The following MAX variants were observed in gnomAD, a reference collection of about 807,000 sequenced individuals.
MAX encodes the protein MYC associated transcriptional regulator X.
MAX carries 3 observed loss-of-function variants against 22.3 expected under a neutral mutation model. The ratio of observed to expected loss-of-function variants is 0.13; its 90% CI spans 0.06 to 0.35. MAX has a LOEUF of 0.35. MAX is among the 10% of genes least tolerant of loss of function. The pLI is 1.00. For synonymous variants in MAX, 72 were observed against 77.7 expected, an observed-to-expected ratio of 0.93 and a Z score of 0.39; for missense variants, 119 against 209.4, an observed-to-expected ratio of 0.57 and a Z score of 2.66.
chr14:65,006,212 G>C (rs2139486808), exon 4 of MAX: 4 of 1,601,406 alleles, frequency 2.5e-6, no homozygotes, highest in Non-Finnish European at 3.4e-6. Flanking sequence ...GATTAGCCAT[G>C]GCAGAAAACA....
At chr14:65,040,735 C>T (rs945571324) in intron 3 of MAX, 1 of 1,572,206 alleles carries the variant, frequency 6.4e-7, no homozygotes, top group African/African-American at 1.4e-5. Flanking sequence ...TGGTCCTGGT[C>T]TTGTGTACGT....
chr14:65,095,085 C>G (rs1025829670), intron 2 of MAX, among the ~76,000 whole-genome samples: 1 of 152,162 alleles, frequency 6.6e-6, no homozygotes, highest in African/African-American at 2.4e-5. Flanking sequence ...GTTGTGAAAA[C>G]GAAAGGACTT....
Position 65,011,021 on chromosome 14 carries a change from C to T in MAX, c.172-4737G>A, listed in dbSNP as rs994286540. Reference sequence around the variant, plus strand: ...TCATTCCTTTCTTCATGAGATATCCCCTCCCTTTTGAGCCTCAGTAGTATG... The same window carrying T: ...TCATTCCTTTCTTCATGAGATATCCTCTCCCTTTTGAGCCTCAGTAGTATG... On this transcript the variant is annotated intron_variant, in intron 3 of 3. Transcript: ENST00000341653. This position sits in a 1 kb window ranked among gnomAD's most constrained non-coding sequence, Gnocchi z 4.0. 9.4e-5 allele frequency among the ~76,000 whole-genome samples: 14 copies of T among 149,644 alleles called. No homozygotes were observed. The highest frequency in any genetic ancestry group is 3.0e-4 in the African/African-American group (12 of 40,442).
chr14:65,084,234 G>A lies in MAX; in HGVS notation c.172-6198C>T, dbSNP rs2139799163. On this transcript the variant is annotated intron_variant, in intron 3 of 4. Transcript: ENST00000358664. This position sits in a 1 kb window ranked among gnomAD's most constrained non-coding sequence, Gnocchi z 4.3. ...CTTGGTAGCTTGAAATGAAGGTGTG[G>A]CATTTCTGCATCAAACTTTGACGAT... is the stretch of plus-strand genomic sequence containing the variant. The A allele has an allele frequency of 6.2e-7, 1 of 1,613,978 alleles. No homozygotes were observed. Among genetic ancestry groups the A allele is most frequent in the Non-Finnish European group, 8.5e-7 (1 of 1,179,916 alleles).
At chr14:65,025,437 T>C (rs1356950925) in intron 3 of MAX, among the ~76,000 whole-genome samples, 1 of 152,212 alleles carries the variant, frequency 6.6e-6, no homozygotes, top group African/African-American at 2.4e-5. Flanking sequence ...TAACTATTTG[T>C]TTCTGGGAAA....
In MAX at chr14:65,077,545, G is replaced by A. The variant is rs1264218503; in HGVS notation, c.295+368C>T. On this transcript the variant is annotated intron_variant, in intron 4 of 4. Transcript: ENST00000358664. The surrounding 1 kb of genome is among the most constrained non-coding windows in gnomAD (Gnocchi z 6.3). ...GAGGGCTCACTGTCCCTGAACACCTGGAGTCTCTGGTACTTACACAGCACA... is the reference window on the plus strand; with the variant it reads ...GAGGGCTCACTGTCCCTGAACACCTAGAGTCTCTGGTACTTACACAGCACA... 6.5e-6 allele frequency: 6 copies of A among 925,844 alleles called. No individual in the cohort carries two copies. The highest frequency in any genetic ancestry group is 9.0e-6 in the Non-Finnish European group (5 of 554,534). The allele number at this position is 925,844 out of a possible 1,614,324, so 57.4% of individuals were successfully genotyped here.
At chr14:65,100,253 C>T (rs1206318743) in intron 2 of MAX, among the ~76,000 whole-genome samples, 1 of 151,990 alleles carries the variant, frequency 6.6e-6, no homozygotes, top group Non-Finnish European at 1.5e-5. Context: ...AGATCGAGAC[C>T]AGCCTGGCCA....
At chr14:65,021,641 A>C (rs921139980) in intron 3 of MAX, among the ~76,000 whole-genome samples, 1 of 152,092 alleles carries the variant, frequency 6.6e-6, no homozygotes, top group Non-Finnish European at 1.5e-5. Context: ...ACTCTGCTCT[A>C]AAGTAGCCAA....
At chr14:65,073,607 T>C (rs756636145), downstream of MAX, among the ~76,000 whole-genome samples, 2 of 152,114 alleles carry the variant, frequency 1.3e-5, no homozygotes, top group African/African-American at 2.4e-5. Context: ...TCCAGAGTAA[T>C]ATAAAAAATA....
In MAX at chr14:65,083,746, A is replaced by C. The variant is rs557035877; in HGVS notation, c.172-5710T>G. On this transcript the variant is annotated intron_variant, in intron 3 of 4. Coordinates refer to ENST00000358664, the MANE Select transcript of MAX (RefSeq NM_002382.5). The stretch of plus-strand genomic sequence containing the variant: ...TGAAAAAAGAGGTACTGCTGGACTC[A>C]ACAACTGACATCTGTTTTATTTTGT... The C allele has an allele frequency of 2.8e-6, 3 of 1,083,682 alleles. No individual in the cohort carries two copies. In the Admixed American group the frequency reaches 1.4e-4, roughly 51 times the overall value. 67.1% of individuals were successfully genotyped at this position (1,083,682 alleles called of 1,614,324 possible). A position where few individuals can be genotyped will look rare whatever the true frequency, so the allele number is the denominator to read the frequency against.
Position 65,077,864 on chromosome 14 carries a change from C to T in MAX, c.295+49G>A. 6.2e-7 allele frequency: 1 copy of T among 1,614,208 alleles called. No homozygotes were observed. Among genetic ancestry groups the T allele is most frequent in the African/African-American group, 1.3e-5 (1 of 75,064 alleles). On this transcript the variant is annotated intron_variant, in intron 4 of 4. Transcript: ENST00000358664. The surrounding 1 kb of genome is among the most constrained non-coding windows in gnomAD (Gnocchi z 6.3). ...GCAGGCCCAGGTGCCAAAGCCTGAC[C>T]TGGCTGGAGCACAGCAGGGCCAGCT...
At position 65,069,822 on chromosome 14, in the gene MAX, A is replaced by G. The variant is rs1221182151; in HGVS notation, c.171+23886T>C. ...GCACAGAGGTCCCTGGATGGGAAAC[A>G]TGGTCAAGTTGTTGGAAACAGGGTC... is the stretch of plus-strand genomic sequence containing the variant. On this transcript the variant is annotated intron_variant, in intron 3 of 3. Transcript: ENST00000341653. This position sits in a 1 kb window ranked among gnomAD's most constrained non-coding sequence, Gnocchi z 4.6. Among the ~76,000 whole-genome samples the G allele has an allele frequency of 3.9e-5, 6 of 152,224 alleles. No individual in the cohort carries two copies. The East Asian group carries it at 1.2e-3, about 29-fold the overall frequency.
intron 3 of MAX, among the ~76,000 whole-genome samples, chr14:65,045,376 T>A (rs1777136608): frequency 1.3e-5 from 2 of 151,502 alleles, no homozygotes; most frequent in Non-Finnish European, 2.9e-5. Context: ...CTCCCCATAC[T>A]TTTTTTTCCT....
At chr14:65,040,992 C>A in intron 3 of MAX, 2 of 1,570,718 alleles carry the variant, frequency 1.3e-6, no homozygotes, top group South Asian at 1.2e-5. Flanking sequence ...GACATGCAGG[C>A]TTCAGGAGAG....
At position 65,044,589 on chromosome 14, in the gene MAX, G is replaced by A. The variant is rs2062433312; in HGVS notation, c.172-38305C>T. 7.5e-6 allele frequency: 9 copies of A among 1,193,466 alleles called. No homozygotes were observed. Among genetic ancestry groups the A allele is most frequent in the Admixed American group, 6.7e-5 (2 of 29,662 alleles). The allele number at this position is 1,193,466 out of a possible 1,614,324, so 73.9% of individuals were successfully genotyped here. On this transcript the variant is annotated intron_variant, in intron 3 of 3. Transcript: ENST00000341653. This position sits in a 1 kb window ranked among gnomAD's most constrained non-coding sequence, Gnocchi z 5.5. The stretch of plus-strand genomic sequence containing the variant: ...AGTGCCCAGTGTGGAACCTCATGCC[G>A]TGGGGCATGCGAATGCAGAGTAAGA...
rs1311471984 is a variant in MAX, at chr14:65,062,734, C to G, written c.171+30974G>C. The G allele has an allele frequency of 6.6e-6, 1 of 152,654 alleles. No homozygotes were observed. Among genetic ancestry groups the G allele is most frequent in the South Asian group, 2.1e-4 (1 of 4,830 alleles). 9.5% of individuals were successfully genotyped at this position (152,654 alleles called of 1,614,324 possible). A position where few individuals can be genotyped will look rare whatever the true frequency, so the allele number is the denominator to read the frequency against. On this transcript the variant is annotated intron_variant, in intron 3 of 3. Transcript: ENST00000341653. The surrounding 1 kb of genome is among the most constrained non-coding windows in gnomAD (Gnocchi z 4.3). ...AAGGTTGCTCAGGGATCGTCAGTCTCCTGTGTGCAGGATTCCAGACTGTTC... is the reference window on the plus strand; with the variant it reads ...AAGGTTGCTCAGGGATCGTCAGTCTGCTGTGTGCAGGATTCCAGACTGTTC...
chr14:65,016,552 G>A (rs183648519), intron 3 of MAX: 1 of 152,348 alleles, frequency 6.6e-6, no homozygotes, highest in Non-Finnish European at 1.5e-5. Context: ...AGCACAAGGA[G>A]GCAGCTGTGC....
intron 3 of MAX, chr14:65,053,404 C>T (rs1436385901): frequency 4.6e-6 from 6 of 1,314,664 alleles, no homozygotes; most frequent in South Asian, 4.6e-5. Context: ...AGCAGAGGGG[C>T]GTGCACCTCA....
chr14:65,088,678 T>C lies in MAX; in HGVS notation c.171+5030A>G, dbSNP rs1235856102. Among the ~76,000 whole-genome samples the C allele has an allele frequency of 2.6e-5, 4 of 152,344 alleles. No homozygotes were observed. The highest frequency in any genetic ancestry group is 9.6e-5 in the African/African-American group (4 of 41,568). On this transcript the variant is annotated intron_variant, in intron 3 of 4. Coordinates refer to ENST00000358664, the MANE Select transcript of MAX (RefSeq NM_002382.5). The surrounding 1 kb of genome is among the most constrained non-coding windows in gnomAD (Gnocchi z 5.2). ...GATTCCTCCCCTCAGTTAATAAATA[T>C]TCACTATGCTCCCTACTATGTGCAG...
Sources: gnomAD v4.1 joint callset for allele counts (sites outside exome capture counted in the v4.1 genomes callset) on GRCh38, gnomAD v4.1.1 for gene constraint, Gnocchi (gnomAD v3.1) non-coding constraint, MANE v1.5 for transcripts, NCBI Gene and HGNC (gene_info 2026-07-23, HGNC 2026-07-21) for gene names.